Variants in KLHL22 observed in about 807,000 individuals in gnomAD.
The protein encoded by KLHL22 is kelch-like protein 22.
A neutral mutation model predicts 60.7 loss-of-function variants in KLHL22; 18 were observed. The observed-to-expected ratio is 0.30, with a 90% confidence interval of 0.20 to 0.44. The LOEUF is 0.44. KLHL22 is among the 20% of genes least tolerant of loss of function. The pLI, the probability that KLHL22 is intolerant of heterozygous loss-of-function variation, is 1.00. For missense variants in KLHL22, 596 were observed against 852.3 expected (o/e 0.70, Z 3.74); for synonymous variants, 355 against 354.5 (o/e 1.00, Z -0.01).
chr22:20,480,160 G>A (rs2053475671), intron 2 of KLHL22, among the ~76,000 whole-genome samples: 1 of 152,204 alleles, frequency 6.6e-6, no homozygotes, highest in Non-Finnish European at 1.5e-5. Flanking sequence ...AATTCATAGA[G>A]ACAGAAAGTA....
intron 2 of KLHL22, among the ~76,000 whole-genome samples, chr22:20,487,166 C>G (rs529735551): frequency 1.3e-4 from 19 of 151,350 alleles, no homozygotes; most frequent in African/African-American, 4.1e-4. Flanking sequence ...GTGATCCACC[C>G]GCCTCGGCCT....
Position 20,464,600 on chromosome 22 carries a change from C to T in KLHL22, c.1112+258G>A, listed in dbSNP as rs111831309. On this transcript the variant is annotated intron_variant, in intron 4 of 6. Coordinates refer to ENST00000328879, the MANE Select transcript of KLHL22 (RefSeq NM_032775.4). Reference sequence around the variant, plus strand: ...CAATGCACTCGCAACCTAGCCTACCCCAAAGAGGCTGAGCAAGGGTCCAGG... The same window carrying T: ...CAATGCACTCGCAACCTAGCCTACCTCAAAGAGGCTGAGCAAGGGTCCAGG... Among the ~76,000 whole-genome samples, 234 of 152,292 alleles carry T rather than the reference C, an allele frequency of 1.5e-3. No homozygotes were observed. The highest frequency in any genetic ancestry group is 5.3e-3 in the African/African-American group (221 of 41,568).
chr22:20,463,096 C>T (rs1208126642), intron 4 of KLHL22, among the ~76,000 whole-genome samples: 3 of 152,128 alleles, frequency 2.0e-5, no homozygotes, highest in Admixed American at 2.0e-4. Context: ...GTTTTGAGTC[C>T]ACTGGAAGGT....
chr22:20,462,146 C>T (rs1054861687), intron 4 of KLHL22, among the ~76,000 whole-genome samples: 4 of 149,936 alleles, frequency 2.7e-5, no homozygotes, highest in South Asian at 2.1e-4. Context: ...GCGTGGTGGT[C>T]GGCGCCTGTA....
At chr22:20,475,934 G>C (rs778866010) in intron 2 of KLHL22, among the ~76,000 whole-genome samples, 1 of 152,100 alleles carries the variant, frequency 6.6e-6, no homozygotes, top group Non-Finnish European at 1.5e-5. Flanking sequence ...TTTTGTTTTC[G>C]ACAATTTCCT....
chr22:20,469,105 G>A (rs2053275882), intron 3 of KLHL22, among the ~76,000 whole-genome samples: 1 of 152,168 alleles, frequency 6.6e-6, no homozygotes, highest in African/African-American at 2.4e-5. Flanking sequence ...GTGAGAGAGG[G>A]AAAGTGATGT....
intron 2 of KLHL22, among the ~76,000 whole-genome samples, chr22:20,475,918 C>A (rs541028364): frequency 6.6e-6 from 1 of 152,266 alleles, no homozygotes; most frequent in South Asian, 2.1e-4. Flanking sequence ...AGTCTCCTTT[C>A]GTTACTTTTG....
At position 20,446,535 on chromosome 22, in the gene KLHL22, G is replaced by T; in HGVS notation, c.1447C>A (p.Arg483Ser). 1 of 1,613,602 alleles carries T rather than the reference G, an allele frequency of 6.2e-7. No individual in the cohort carries two copies. Residue 483 changes from arginine (R) to serine (S), a missense_variant, in exon 6 of 7, where the codon CGC becomes AGC. Arg to Ser is a moderately radical substitution (Grantham distance 110). Coordinates refer to ENST00000328879, the MANE Select transcript of KLHL22 (RefSeq NM_032775.4). ...WHTLADGPVRRAWHGMATLLN... is the reference protein window; with the variant it reads ...WHTLADGPVRSAWHGMATLLN... ...AGGGTTGCCATGCCGTGCCAGGCGC[G>T]CCGCACAGGCCCATCAGCCAGTGTG...
rs8353 is a variant in KLHL22, at chr22:20,441,830, G to T, written c.*243C>A. On this transcript the variant is annotated 3_prime_UTR_variant, in exon 7 of 7. Transcript: ENST00000328879. ...ACCCCTCCAGGGCTCACTGAGGAAG[G>T]CCAAAGCCTTTCAGAAGCAGTTCCT... 85,432 of 400,024 alleles carry T rather than the reference G, an allele frequency of 0.21. 11,218 individuals carry two copies. Among genetic ancestry groups the T allele is most frequent in the Non-Finnish European group, 0.27 (62,003 of 227,286 alleles). The allele number at this position is 400,024 out of a possible 1,614,324, so 24.8% of individuals were successfully genotyped here.
At chr22:20,448,839 T>C (rs2052924787) in intron 5 of KLHL22, among the ~76,000 whole-genome samples, 1 of 152,130 alleles carries the variant, frequency 6.6e-6, no homozygotes, top group Non-Finnish European at 1.5e-5. Flanking sequence ...CAGCAATCCA[T>C]GAGCATAGTT....
intron 2 of KLHL22, among the ~76,000 whole-genome samples, chr22:20,477,323 G>A (rs1272628315): frequency 8.6e-5 from 13 of 151,974 alleles, no homozygotes; most frequent in African/African-American, 2.2e-4. Flanking sequence ...CCTGGGAGGC[G>A]GAGGTTGCAG....
intron 6 of KLHL22, 52 bp from the exon 7 acceptor site, chr22:20,442,490 C>A: frequency 1.3e-6 from 2 of 1,507,110 alleles, no homozygotes; most frequent in South Asian, 2.7e-5. Context: ...ACGAGGCTGC[C>A]AGCTCCCCCA....
At chr22:20,450,205 GAGC>G (rs1237550512) in intron 5 of KLHL22, 10 of 807,052 alleles carry the variant, frequency 1.2e-5, no homozygotes, top group Non-Finnish European at 2.3e-5. Flanking sequence ...CCGTTGGGAA[GAGC>G]AATACCTTCT....
chr22:20,453,817 C>T (rs2053018701), intron 5 of KLHL22, among the ~76,000 whole-genome samples: 1 of 152,272 alleles, frequency 6.6e-6, no homozygotes, highest in African/African-American at 2.4e-5. Context: ...TCATTGCAAC[C>T]TCTGCCTCCT....
At chr22:20,450,221 G>C in intron 5 of KLHL22, 1 of 817,362 alleles carries the variant, frequency 1.2e-6, no homozygotes, top group Admixed American at 1.7e-5. Flanking sequence ...TACCTTCTGT[G>C]ATGTGACATT....
intron 5 of KLHL22, among the ~76,000 whole-genome samples, chr22:20,452,019 CAG>C (rs2052987376): frequency 2.0e-5 from 3 of 152,012 alleles, no homozygotes; most frequent in African/African-American, 7.3e-5. Context: ...GGGTGGGTAA[CAG>C]ATACTCCAGG....
intron 3 of KLHL22, among the ~76,000 whole-genome samples, chr22:20,469,131 G>A (rs1054990347): frequency 6.6e-6 from 1 of 152,156 alleles, no homozygotes; most frequent in Non-Finnish European, 1.5e-5. Flanking sequence ...AGATGATCTG[G>A]TTTCAGTGTG....
At chr22:20,492,992 C>T (rs1297590302) in intron 1 of KLHL22, among the ~76,000 whole-genome samples, 1 of 152,148 alleles carries the variant, frequency 6.6e-6, no homozygotes, top group Non-Finnish European at 1.5e-5. Context: ...GGCTGTACCA[C>T]TTGCTAATGA....
chr22:20,453,667 C>A (rs2053015531), intron 5 of KLHL22, among the ~76,000 whole-genome samples: 1 of 152,124 alleles, frequency 6.6e-6, no homozygotes, highest in Non-Finnish European at 1.5e-5. Flanking sequence ...AGAATAATCT[C>A]ATTTACATCT....
Sources: gnomAD v4.1 joint callset for allele counts (sites outside exome capture counted in the v4.1 genomes callset) on GRCh38, gnomAD v4.1.1 for gene constraint, MANE v1.5 for transcripts, NCBI Gene and HGNC (gene_info 2026-07-23, HGNC 2026-07-21) for gene names.